SVIL: variants seen among roughly 807,000 people sequenced by gnomAD.
SVIL encodes supervillin.
Under a neutral mutation model 240.4 loss-of-function variants are expected in SVIL, and 101 were observed. That is an observed-to-expected ratio of 0.42 (90% CI 0.36 to 0.50). SVIL has a LOEUF of 0.50. Among genes scored for constraint, SVIL ranks in the 20% least tolerant of loss-of-function variants. The pLI, the probability that SVIL is intolerant of heterozygous loss-of-function variation, is 0.01. For missense variants in SVIL, 2,512 were observed against 2,818.7 expected (o/e 0.89, Z 2.46); for synonymous variants, 999 against 1,100.0 (o/e 0.91, Z 1.82).
At chr10:29,696,510 C>G (rs982797890) in intron 1 of SVIL, among the ~76,000 whole-genome samples, 1 of 146,470 alleles carries the variant, frequency 6.8e-6, no homozygotes, top group Non-Finnish European at 1.5e-5. Context: ...AAGTGAGGAG[C>G]GCCTCGTCCC....
intron 2 of SVIL, among the ~76,000 whole-genome samples, chr10:29,661,685 T>A (rs1222544178): frequency 2.0e-5 from 3 of 152,208 alleles, no homozygotes; most frequent in Admixed American, 1.3e-4. Context: ...AAGAGAGATA[T>A]GCCAGACAAA....
At chr10:29,696,529 T>C (rs1962016933) in intron 1 of SVIL, among the ~76,000 whole-genome samples, 1 of 136,564 alleles carries the variant, frequency 7.3e-6, no homozygotes, top group East Asian at 2.3e-4. Flanking sequence ...CCGGCCACCA[T>C]CCCATCTAGG....
chr10:29,728,519 T>A (rs1211360432), intron 1 of SVIL, among the ~76,000 whole-genome samples: 1 of 151,444 alleles, frequency 6.6e-6, no homozygotes, highest in Non-Finnish European at 1.5e-5. Context: ...TGAGATTGAC[T>A]CAGAACAAAG....
chr10:29,547,348 T>G (rs1172793046), intron 6 of SVIL, among the ~76,000 whole-genome samples: 1 of 152,156 alleles, frequency 6.6e-6, no homozygotes. Context: ...ATAAACTACT[T>G]TGGGTTTCTT....
rs758459468 is a variant in SVIL, at chr10:29,481,598, G to A, written c.5086C>T (p.Leu1696Phe). 3.7e-5 allele frequency: 60 copies of A among 1,614,162 alleles called. No homozygotes were observed. The highest frequency in any genetic ancestry group is 1.6e-4 in the Middle Eastern group (1 of 6,062). Residue 1696 changes from leucine (L) to phenylalanine (F), a missense_variant, in exon 28 of 38, where the codon CTT becomes TTT. Leu to Phe is a conservative substitution (Grantham distance 22). Transcript: ENST00000355867. ...CGCCGGAATACCTTGTGCTGGGCAAGTTCCCCGGGGTTCTTCTCATTCGAT... is the reference window on the plus strand; with the variant it reads ...CGCCGGAATACCTTGTGCTGGGCAAATTCCCCGGGGTTCTTCTCATTCGAT... ...KRSNEKNPGE[L>F]AQHKEDPRTD...
At chr10:29,722,731 AC>A (rs1460471383) in intron 1 of SVIL, among the ~76,000 whole-genome samples, 2 of 152,136 alleles carry the variant, frequency 1.3e-5, no homozygotes, top group African/African-American at 4.8e-5. Flanking sequence ...AAAAACTCCA[AC>A]CCTAATTGGA....
intron 3 of SVIL, among the ~76,000 whole-genome samples, chr10:29,654,615 T>G (rs554001342): frequency 6.6e-6 from 1 of 152,154 alleles, no homozygotes; most frequent in Non-Finnish European, 1.5e-5. Flanking sequence ...GATAGATATA[T>G]AGAAGTAGGC....
intron 1 of SVIL, among the ~76,000 whole-genome samples, chr10:29,705,520 G>A (rs1962826113): frequency 6.6e-6 from 1 of 151,902 alleles, no homozygotes; most frequent in South Asian, 2.1e-4. Flanking sequence ...TGCAGAATGT[G>A]CAGGTTTATT....
rs146500915 is a variant in SVIL, at chr10:29,711,202, C to T, written c.-400+24549G>A. On this transcript the variant is annotated intron_variant, in intron 1 of 35. Coordinates refer to the SVIL transcript ENST00000375400. ...ATCACCTGAAGTCAGGAGTTCGAGA[C>T]AAGCCTGGACAACATGGTGAAACCC... is the stretch of plus-strand genomic sequence containing the variant. 5.6e-3 allele frequency among the ~76,000 whole-genome samples: 855 copies of T among 152,040 alleles called. 10 individuals are homozygous for T. The highest frequency in any genetic ancestry group is 0.02 in the African/African-American group (820 of 41,442).
chr10:29,651,617 A>T (rs1039982981), intron 3 of SVIL, among the ~76,000 whole-genome samples: 1 of 51,490 alleles, frequency 1.9e-5, no homozygotes, highest in Non-Finnish European at 4.1e-5. Flanking sequence ...TGCCACATGC[A>T]TTCTCTCTCT....
At chr10:29,617,879 T>C (rs1193378459) in intron 1 of SVIL, among the ~76,000 whole-genome samples, 1 of 152,192 alleles carries the variant, frequency 6.6e-6, no homozygotes, top group Non-Finnish European at 1.5e-5. Flanking sequence ...TGGAGATAAC[T>C]GATTTAAAAG....
chr10:29,619,253 A>G (rs1184157745), intron 1 of SVIL, among the ~76,000 whole-genome samples: 1 of 152,222 alleles, frequency 6.6e-6, no homozygotes, highest in Non-Finnish European at 1.5e-5. Context: ...TTTCAGTCCC[A>G]GAGAAGAAAT....
chr10:29,607,209 T>G (rs997512449), intron 1 of SVIL, among the ~76,000 whole-genome samples: 100 of 152,374 alleles, frequency 6.6e-4, no homozygotes, highest in East Asian at 1.3e-3. Flanking sequence ...TTTCAAAATT[T>G]ATGTATTCTC....
chr10:29,691,116 GA>G (rs1961462940), intron 1 of SVIL, among the ~76,000 whole-genome samples: 3 of 151,674 alleles, frequency 2.0e-5, no homozygotes, highest in Admixed American at 2.0e-4. Context: ...TTCTATAGTA[GA>G]AAGATTTTTT....
At chr10:29,730,788 T>C (rs1266487259) in intron 1 of SVIL, among the ~76,000 whole-genome samples, 1 of 152,170 alleles carries the variant, frequency 6.6e-6, no homozygotes, top group Non-Finnish European at 1.5e-5. Context: ...GCCCAAGCAA[T>C]TATGGCTTAT....
At chr10:29,565,030 C>G (rs1470343466) in intron 2 of SVIL, among the ~76,000 whole-genome samples, 1 of 152,074 alleles carries the variant, frequency 6.6e-6, no homozygotes, top group African/African-American at 2.4e-5. Context: ...TGACAAAGCT[C>G]TATACTTTCT....
chr10:29,649,584 A>C (rs1486565215), intron 3 of SVIL, among the ~76,000 whole-genome samples: 1 of 152,232 alleles, frequency 6.6e-6, no homozygotes, highest in Non-Finnish European at 1.5e-5. Context: ...ATTCCATATA[A>C]GAAAAAAATT....
chr10:29,474,638 TAAATA>T (rs1260377611), intron 29 of SVIL, among the ~76,000 whole-genome samples: 28 of 135,022 alleles, frequency 2.1e-4, no homozygotes, highest in African/African-American at 6.9e-4. Flanking sequence ...AATAAATAAA[TAAATA>T]AAGTATTTGG....
At chr10:29,474,518 C>G (rs532823750) in intron 29 of SVIL, among the ~76,000 whole-genome samples, 2 of 151,756 alleles carry the variant, frequency 1.3e-5, no homozygotes, top group Non-Finnish European at 2.9e-5. Context: ...TCACTTGAGC[C>G]CAGGAGTTTG....
Sources: allele counts gnomAD v4.1 joint callset (sites outside exome capture counted in the v4.1 genomes callset), GRCh38; gene constraint gnomAD v4.1.1; transcripts MANE v1.5; gene names NCBI Gene and HGNC (gene_info 2026-07-23, HGNC 2026-07-21).